Variants in DLX4 observed in about 807,000 individuals in gnomAD.
DLX4 encodes the protein distal-less homeobox 4.
Under a neutral mutation model 17.1 loss-of-function variants are expected in DLX4, and 13 were observed. The observed-to-expected ratio is 0.76, with a 90% CI of 0.49 to 1.21. The LOEUF is 1.21. Ranked by LOEUF, DLX4 falls within the 50% of genes most tolerant of loss-of-function variation. The probability of loss-of-function intolerance (pLI) is 0.00; values close to 1 mark genes in which losing one functional copy is unlikely to be tolerated. For missense variants in DLX4, 297 were observed against 301.4 expected (o/e 0.99, Z 0.11); for synonymous variants, 129 against 140.3 (o/e 0.92, Z 0.57).
At position 49,969,797 on chromosome 17, in the gene DLX4, C is replaced by T. The variant is rs1250563770; in HGVS notation, c.283+46C>T. On this transcript the variant is annotated intron_variant, in intron 1 of 2. Transcript: ENST00000240306. ...TCTTCCCACCTCTGGGGTTCGGCTCCTGTGCGCCCCTAAACTTCTCCCTCG... is the reference window on the plus strand; with the variant it reads ...TCTTCCCACCTCTGGGGTTCGGCTCTTGTGCGCCCCTAAACTTCTCCCTCG... 2.0e-6 allele frequency: 3 copies of T among 1,506,046 alleles called. No individual in the cohort carries two copies. The South Asian group carries it at 3.9e-5, about 20-fold the overall frequency. The allele number at this position is 1,506,046 out of a possible 1,614,324, so 93.3% of individuals were successfully genotyped here.
Position 49,969,497 on chromosome 17 carries a change from G to C in DLX4, c.29G>C (p.Gly10Ala). 1 of 1,603,254 alleles carries C rather than the reference G, an allele frequency of 6.2e-7. No homozygotes were observed. The highest frequency in any genetic ancestry group is 2.2e-5 in the East Asian group (1 of 44,550). The part of the protein sequence containing the change: MTSLPCPLP[G>A]RDASKAVFPD... ...ACCTCTTTGCCCTGCCCCCTCCCCG[G>C]CCGGGACGCCTCCAAAGCTGTCTTC... Residue 10 changes from glycine to alanine, a missense_variant, in exon 1 of 3, where the codon GGC (glycine) becomes GCC (alanine). Transcript: ENST00000240306.
chr17:49,973,543 G>T, intron 2 of DLX4, 158 bp from the exon 3 acceptor site: 2 of 1,070,082 alleles, frequency 1.9e-6, no homozygotes, highest in East Asian at 4.8e-5. Context: ...AACTCAGAAG[G>T]CTCCTGGGGC....
In DLX4 at chr17:49,969,390, G is replaced by A. The variant is rs1905417102; in HGVS notation, c.-79G>A. 1 of 1,449,806 alleles carries A rather than the reference G, an allele frequency of 6.9e-7. No homozygotes were observed. Among genetic ancestry groups the A allele is most frequent in the Non-Finnish European group, 9.1e-7 (1 of 1,102,282 alleles). 89.8% of individuals were successfully genotyped at this position (1,449,806 alleles called of 1,614,324 possible). On this transcript the variant is annotated 5_prime_UTR_variant, in exon 1 of 3. Transcript: ENST00000240306. The stretch of plus-strand genomic sequence containing the variant: ...TGGGGGGCCCGTCCGGCCCAACGCC[G>A]GAGGCTTGGAAAAGAGAGTTGGCAG...
Position 49,969,346 on chromosome 17 carries a change from A to T in DLX4, c.-123A>T. On this transcript the variant is annotated 5_prime_UTR_variant, in exon 1 of 3. Coordinates refer to ENST00000240306, the MANE Select transcript of DLX4 (RefSeq NM_138281.3). Reference sequence around the variant, plus strand: ...AGAGAGACACTTTCTCCGGGATCTTAAGTGTGGGGGCTGCTGGCTGGGGGG... The same window carrying T: ...AGAGAGACACTTTCTCCGGGATCTTTAGTGTGGGGGCTGCTGGCTGGGGGG... The T allele has an allele frequency of 8.8e-7, 1 of 1,141,326 alleles. No homozygotes were observed. Among genetic ancestry groups the T allele is most frequent in the Non-Finnish European group, 1.2e-6 (1 of 829,086 alleles). 70.7% of individuals were successfully genotyped at this position (1,141,326 alleles called of 1,614,324 possible). A position where few individuals can be genotyped will look rare whatever the true frequency, so the allele number is the denominator to read the frequency against.
chr17:49,969,234 A>C lies in DLX4; in HGVS notation c.-235A>C. On this transcript the variant is annotated 5_prime_UTR_variant, in exon 1 of 3. The change abolishes an upstream ATG in the 5' untranslated region. Coordinates refer to ENST00000240306, the MANE Select transcript of DLX4 (RefSeq NM_138281.3). ...ACCCGATGGAGAGGAGGGGGCCCCC[A>C]TGGATTTAGGGGGGGAGGGGAAAGT... 9.7e-6 allele frequency: 4 copies of C among 414,486 alleles called. No individual in the cohort carries two copies. The highest frequency in any genetic ancestry group is 4.7e-5 in the Admixed American group (1 of 21,344). 25.7% of individuals were successfully genotyped at this position (414,486 alleles called of 1,614,324 possible).
chr17:49,973,316 C>G, intron 2 of DLX4, 47 bp downstream of exon 2: 1 of 1,598,858 alleles, frequency 6.3e-7, no homozygotes. Flanking sequence ...CCCTGGTTCT[C>G]TGGGAACTCA....
At position 49,974,010 on chromosome 17, in the gene DLX4, C is replaced by T. The variant is rs1222364214; in HGVS notation, c.*67C>T. 8.0e-6 allele frequency: 12 copies of T among 1,498,802 alleles called. No individual in the cohort carries two copies. The highest frequency in any genetic ancestry group is 1.4e-5 in the African/African-American group (1 of 70,972). 92.8% of individuals were successfully genotyped at this position (1,498,802 alleles called of 1,614,324 possible). On this transcript the variant is annotated 3_prime_UTR_variant, in exon 3 of 3. Transcript: ENST00000240306. The stretch of plus-strand genomic sequence containing the variant: ...GCCCAGGACCCAGGCAGTCCACCTG[C>T]ACCCCTTCTGGGCTGGGAGGAAACC...
rs1905609192 is a variant in DLX4 at position 49,973,706 on chromosome 17, G to A, written c.486G>A (p.Lys162=). 6.7e-7 allele frequency: 1 copy of A among 1,497,348 alleles called. No homozygotes were observed. The highest frequency in any genetic ancestry group is 8.9e-7 in the Non-Finnish European group (1 of 1,122,788). 92.8% of individuals were successfully genotyped at this position (1,497,348 alleles called of 1,614,324 possible). ...TTCCCCTTTTCTTCCCGAAGGTAAA[G>A]ATCTGGTTTCAGAACAAACGCTCCA... ...AQLGLTQTQV[K]IWFQNKRSKY... The change falls in exon 3 of 3, where the codon AAG becomes AAA. Residue 162 remains lysine (K), a synonymous_variant. Transcript: ENST00000240306.
Position 49,973,798 on chromosome 17 carries a change from CTG to C in DLX4, c.582_583del (p.Pro196LeufsTer101). 6.2e-7 allele frequency: 1 copy of C among 1,600,424 alleles called. No individual in the cohort carries two copies. Among genetic ancestry groups the C allele is most frequent in the Non-Finnish European group, 8.5e-7 (1 of 1,172,852 alleles). On this transcript the variant is annotated frameshift_variant, in exon 3 of 3. Coordinates refer to ENST00000240306, the MANE Select transcript of DLX4 (RefSeq NM_138281.3). LOFTEE classifies it low-confidence loss of function (END_TRUNC). ...GGGGACTTCCCTGGGAGGACCTTCT[CTG>C]TGTCTCCCTGCTCCCCACCCCTCCC...
At position 49,972,766 on chromosome 17, in the gene DLX4, C is replaced by T; in HGVS notation, c.284-307C>T. The T allele has an allele frequency of 7.2e-7, 1 of 1,389,414 alleles. No homozygotes were observed. The highest frequency in any genetic ancestry group is 9.3e-7 in the Non-Finnish European group (1 of 1,078,124). 86.1% of individuals were successfully genotyped at this position (1,389,414 alleles called of 1,614,324 possible). A position where few individuals can be genotyped will look rare whatever the true frequency, so the allele number is the denominator to read the frequency against. ...CCCGTGGCTGAACTCCGACCTCCCACCGCAGGCGCCGCGGTACCCTGGCTG... is the reference window on the plus strand; with the variant it reads ...CCCGTGGCTGAACTCCGACCTCCCATCGCAGGCGCCGCGGTACCCTGGCTG... On this transcript the variant is annotated intron_variant, in intron 1 of 2. Coordinates refer to ENST00000240306, the MANE Select transcript of DLX4 (RefSeq NM_138281.3). This position sits in a 1 kb window ranked among gnomAD's most constrained non-coding sequence, Gnocchi z 5.4.
Position 49,969,490 on chromosome 17 carries a change from C to T in DLX4, c.22C>T (p.Leu8Phe). The change falls in exon 1 of 3, where the codon CTC (leucine) becomes TTC (phenylalanine). Residue 8 changes from leucine (L) to phenylalanine (F), a missense_variant. Coordinates refer to ENST00000240306, the MANE Select transcript of DLX4 (RefSeq NM_138281.3). ...CACAATGACCTCTTTGCCCTGCCCC[C>T]TCCCCGGCCGGGACGCCTCCAAAGC... is the stretch of plus-strand genomic sequence containing the variant. MTSLPCP[L>F]PGRDASKAVF... 1 of 1,599,208 alleles carries T rather than the reference C, an allele frequency of 6.3e-7. No individual in the cohort carries two copies.
In DLX4 at chr17:49,973,938, A is replaced by G; in HGVS notation, c.718A>G (p.Met240Val). Residue 240 changes from methionine (M) to valine (V), a missense_variant, in exon 3 of 3, where the codon ATG becomes GTG. Physicochemically the swap from Met to Val is conservative, Grantham distance 21 (BLOSUM62 1). Coordinates refer to ENST00000240306, the MANE Select transcript of DLX4 (RefSeq NM_138281.3). The part of the protein sequence containing the change: ...SSDVLASPQM[M>V] ...AGATGTCCTGGCTTCGCCTCAGATG[A>G]TGTGAATCTGGGGAAGGGCGGGTCA... 6.2e-7 allele frequency: 1 copy of G among 1,601,908 alleles called. No homozygotes were observed. Among genetic ancestry groups the G allele is most frequent in the Non-Finnish European group, 8.5e-7 (1 of 1,175,124 alleles).
chr17:49,972,751 A>C lies in DLX4; in HGVS notation c.284-322A>C. 2 of 1,381,688 alleles carry C rather than the reference A, an allele frequency of 1.4e-6. No individual in the cohort carries two copies. Among genetic ancestry groups the C allele is most frequent in the Non-Finnish European group, 1.9e-6 (2 of 1,073,488 alleles). 85.6% of individuals were successfully genotyped at this position (1,381,688 alleles called of 1,614,324 possible). The stretch of plus-strand genomic sequence containing the variant: ...AAGCTGGCGCCACCGCCCGTGGCTG[A>C]ACTCCGACCTCCCACCGCAGGCGCC... On this transcript the variant is annotated intron_variant, in intron 1 of 2. Coordinates refer to ENST00000240306, the MANE Select transcript of DLX4 (RefSeq NM_138281.3). The surrounding 1 kb of genome is among the most constrained non-coding windows in gnomAD (Gnocchi z 5.4).
Position 49,972,797 on chromosome 17 carries a change from C to CTGTTG in DLX4, c.284-275_284-274insGTTGT. 1 of 1,390,512 alleles carries CTGTTG rather than the reference C, an allele frequency of 7.2e-7. No homozygotes were observed. The highest frequency in any genetic ancestry group is 1.8e-5 in the South Asian group (1 of 57,052). 86.1% of individuals were successfully genotyped at this position (1,390,512 alleles called of 1,614,324 possible). A position where few individuals can be genotyped will look rare whatever the true frequency, so the allele number is the denominator to read the frequency against. ...GCGCCGCGGTACCCTGGCTGTGGCC[C>CTGTTG]TCGGCGCTTTCTTCCTAGGGTCACA... On this transcript the variant is annotated intron_variant, in intron 1 of 2. Transcript: ENST00000240306. This position sits in a 1 kb window ranked among gnomAD's most constrained non-coding sequence, Gnocchi z 5.4.
At chr17:49,973,043 C>T in intron 1 of DLX4, 30 bp from the exon 2 acceptor site, 1 of 1,612,834 alleles carries the variant, frequency 6.2e-7, no homozygotes, top group Non-Finnish European at 8.5e-7. Flanking sequence ...TCCCTCCTCG[C>T]CCCCTACACC....
intron 1 of DLX4, among the ~76,000 whole-genome samples, chr17:49,970,754 C>A (rs1905477503): frequency 6.6e-6 from 1 of 152,236 alleles, no homozygotes; most frequent in Non-Finnish European, 1.5e-5. Context: ...AGGAGGCACA[C>A]CCATTAGGTG....
At position 49,972,735 on chromosome 17, in the gene DLX4, C is replaced by T; in HGVS notation, c.284-338C>T. 1 of 1,376,724 alleles carries T rather than the reference C, an allele frequency of 7.3e-7. No individual in the cohort carries two copies. 85.3% of individuals were successfully genotyped at this position (1,376,724 alleles called of 1,614,324 possible). A position where few individuals can be genotyped will look rare whatever the true frequency, so the allele number is the denominator to read the frequency against. Reference sequence around the variant, plus strand: ...TGCCCCGCCCTACCCCAAGCTGGCGCCACCGCCCGTGGCTGAACTCCGACC... The same window carrying T: ...TGCCCCGCCCTACCCCAAGCTGGCGTCACCGCCCGTGGCTGAACTCCGACC... On this transcript the variant is annotated intron_variant, in intron 1 of 2. Transcript: ENST00000240306. This position sits in a 1 kb window ranked among gnomAD's most constrained non-coding sequence, Gnocchi z 5.4.
In DLX4 at chr17:49,969,326, G is replaced by A; in HGVS notation, c.-143G>A. On this transcript the variant is annotated 5_prime_UTR_variant, in exon 1 of 3. Coordinates refer to ENST00000240306, the MANE Select transcript of DLX4 (RefSeq NM_138281.3). ...TTCTCCGCTGAAAGAGGCTCAGAGA[G>A]ACACTTTCTCCGGGATCTTAAGTGT... 1.0e-6 allele frequency: 1 copy of A among 991,596 alleles called. No individual in the cohort carries two copies. Among genetic ancestry groups the A allele is most frequent in the East Asian group, 2.8e-5 (1 of 35,568 alleles). The allele number at this position is 991,596 out of a possible 1,614,324, so 61.4% of individuals were successfully genotyped here.
intron 2 of DLX4, 184 bp from the exon 3 acceptor site, chr17:49,973,517 C>T: frequency 1.0e-6 from 1 of 974,718 alleles, no homozygotes; most frequent in South Asian, 1.6e-5. Context: ...GACATGGATA[C>T]TAGCTCAGAG....
Sources: gnomAD v4.1 joint callset for allele counts (sites outside exome capture counted in the v4.1 genomes callset) on GRCh38, gnomAD v4.1.1 for gene constraint, Gnocchi (gnomAD v3.1) non-coding constraint, MANE v1.5 for transcripts, NCBI Gene and HGNC (gene_info 2026-07-23, HGNC 2026-07-21) for gene names.